Variants in CCDC110 observed in about 807,000 individuals in gnomAD.
The protein encoded by CCDC110 is coiled-coil domain-containing protein 110.
In CCDC110, 70 loss-of-function variants were observed where a neutral mutation model predicts 77.1. That is an observed-to-expected ratio of 0.91 (90% CI 0.75 to 1.11). The LOEUF (loss-of-function observed/expected upper bound fraction) is 1.11. CCDC110 is among the 50% of genes least tolerant of loss of function. The probability of loss-of-function intolerance (pLI) is 0.00; values close to 1 mark genes in which losing one functional copy is unlikely to be tolerated. For synonymous variants in CCDC110, 295 were observed against 312.5 expected, an observed-to-expected ratio of 0.94 and a Z score of 0.59; for missense variants, 868 against 942.9, an observed-to-expected ratio of 0.92 and a Z score of 1.04.
intron 6 of CCDC110, among the ~76,000 whole-genome samples, chr4:185,448,542 C>G (rs1395321279): frequency 2.0e-5 from 3 of 152,084 alleles, no homozygotes; most frequent in African/African-American, 7.2e-5. Flanking sequence ...GTCACTGAAC[C>G]ACGATTCCCC....
Position 185,459,152 on chromosome 4 carries a change from GC to G in CCDC110, c.1434del (p.Lys478AsnfsTer17), listed in dbSNP as rs1275827662. The G allele has an allele frequency of 6.3e-7, 1 of 1,598,860 alleles. No homozygotes were observed. The highest frequency in any genetic ancestry group is 8.5e-7 in the Non-Finnish European group (1 of 1,172,792). Reference protein sequence around the residue: ...SLIQKVETYEKQLKNLVEEKS... With the variant: ...SLIQKVETYEXQLKNLVEEKS... ...TTTTCTTCAACCAGATTCTTAAGTT[GC>G]TTTTCATATGTTTCAACTTTCTGTA... is the stretch of plus-strand genomic sequence containing the variant. On this transcript the variant is annotated frameshift_variant, in exon 6 of 7. Transcript: ENST00000307588. LOFTEE classifies it high-confidence loss of function.
intron 5 of CCDC110, 141 bp downstream of exon 5, chr4:185,460,908 T>C (rs1419751889): frequency 1.7e-6 from 1 of 601,796 alleles, no homozygotes; most frequent in Non-Finnish European, 3.2e-6. Context: ...TTTAAGGTTT[T>C]CAGGACCGGA....
chr4:185,446,530 G>T (rs2095611839), intron 6 of CCDC110, among the ~76,000 whole-genome samples: 1 of 151,980 alleles, frequency 6.6e-6, no homozygotes, highest in African/African-American at 2.4e-5. Flanking sequence ...TTTTCTGACT[G>T]AATTATTTTG....
intron 5 of CCDC110, 43 bp downstream of exon 5, chr4:185,461,006 T>TTTTTTTTTTTTGAGACG: frequency 2.0e-6 from 2 of 991,230 alleles, no homozygotes. Flanking sequence ...AGTCACGTTT[T>TTTTTTTTTTTTGAGACG]GAAGTACCTA....
At chr4:185,465,633 G>A (rs910028909) in intron 2 of CCDC110, among the ~76,000 whole-genome samples, 8 of 152,204 alleles carry the variant, frequency 5.3e-5, no homozygotes, top group Non-Finnish European at 1.0e-4. Context: ...TTTCCATCAT[G>A]AGAATGATTT....
rs958944271 is a variant in CCDC110, at chr4:185,468,756, G to A, written c.115+2189C>T. ...AATGACACACTTCCCACCCACCTCT[G>A]CCACTCCAAATATTCCTCCCCCCCT... On this transcript the variant is annotated intron_variant, in intron 2 of 6. Transcript: ENST00000307588. This position sits in a 1 kb window ranked among gnomAD's most constrained non-coding sequence, Gnocchi z 4.5. Among the ~76,000 whole-genome samples the A allele has an allele frequency of 6.6e-6, 1 of 151,986 alleles. No homozygotes were observed. The highest frequency in any genetic ancestry group is 2.4e-5 in the African/African-American group (1 of 41,372).
chr4:185,463,049 T>G lies in CCDC110; in HGVS notation c.116A>C (p.Glu39Ala), dbSNP rs147210535. 1.9e-4 allele frequency: 308 copies of G among 1,611,538 alleles called. No homozygotes were observed. In the African/African-American group the frequency reaches 3.7e-3, roughly 19 times the overall value. Residue 39 changes from glutamate to alanine, a missense_variant and splice_region_variant, in exon 3 of 7, where the codon GAA (glutamate) becomes GCA (alanine). By Grantham distance (107) the Glu-to-Ala change is moderately radical (BLOSUM62 -1). Transcript: ENST00000307588. ...GVKESGCSDT[E>A]YGCIAESENQ... is the part of the protein sequence containing the mutation. ...TTCTGATTCTGCTATGCAGCCATAT[T>G]CTAAGAAGCAAAATTGAAAAACCAT...
chr4:185,460,838 C>A, intron 5 of CCDC110: 1 of 481,348 alleles, frequency 2.1e-6, no homozygotes, highest in South Asian at 1.8e-5. Context: ...GTCAAATGTC[C>A]CTCACAGACT....
rs991839347 is a variant in CCDC110 at position 185,462,681 on chromosome 4, G to T, written c.199C>A (p.Gln67Lys). ...TGCAAAGTCTGCATTCGCAAAGCCT[G>T]AAATGATTCCAACTGCTGCTGAAGG... ...KVLQQQLESF[Q>K]ALRMQTLQNV... Residue 67 changes from glutamine to lysine, a missense_variant, in exon 4 of 7, where the codon CAG becomes AAG. Gln to Lys is a moderately conservative substitution (Grantham distance 53, BLOSUM62 1). Transcript: ENST00000307588. The T allele has an allele frequency of 1.9e-6, 3 of 1,613,972 alleles. No individual in the cohort carries two copies. The highest frequency in any genetic ancestry group is 2.5e-6 in the Non-Finnish European group (3 of 1,179,802).
intron 6 of CCDC110, among the ~76,000 whole-genome samples, chr4:185,446,365 G>A (rs1260209577): frequency 6.6e-6 from 1 of 152,106 alleles, no homozygotes; most frequent in Non-Finnish European, 1.5e-5. Flanking sequence ...TTGATAATTT[G>A]GGGTGCTCTA....
At chr4:185,448,280 C>T (rs932337861) in intron 6 of CCDC110, among the ~76,000 whole-genome samples, 4 of 152,198 alleles carry the variant, frequency 2.6e-5, no homozygotes, top group African/African-American at 9.7e-5. Context: ...CTCAGCCTCC[C>T]AAAGTGCTGG....
At chr4:185,465,427 T>A (rs991188562) in intron 2 of CCDC110, among the ~76,000 whole-genome samples, 1 of 152,240 alleles carries the variant, frequency 6.6e-6, no homozygotes, top group African/African-American at 2.4e-5. Context: ...TGTCTACATA[T>A]ATTTTCCATC....
chr4:185,448,890 G>T (rs1168871863), intron 6 of CCDC110, among the ~76,000 whole-genome samples: 1 of 152,164 alleles, frequency 6.6e-6, no homozygotes, highest in East Asian at 1.9e-4. Flanking sequence ...AGAAAGAGAA[G>T]AATAAGTGAT....
intron 2 of CCDC110, among the ~76,000 whole-genome samples, chr4:185,469,747 C>A (rs147768959): frequency 6.6e-6 from 1 of 152,186 alleles, no homozygotes; most frequent in Non-Finnish European, 1.5e-5. Flanking sequence ...CCTGGGCACC[C>A]GGGTGTCTTC....
chr4:185,465,322 A>G (rs2095653537), intron 2 of CCDC110, among the ~76,000 whole-genome samples: 2 of 152,374 alleles, frequency 1.3e-5, no homozygotes, highest in Middle Eastern at 3.4e-3. Flanking sequence ...AGCTAAAACC[A>G]AATAAGAAAT....
chr4:185,465,088 T>C (rs532211967), intron 2 of CCDC110, among the ~76,000 whole-genome samples: 1 of 152,344 alleles, frequency 6.6e-6, no homozygotes, highest in African/African-American at 2.4e-5. Context: ...GGTTTATGTT[T>C]ACATTCTGTT....
chr4:185,462,875 A>T (rs903717232), intron 3 of CCDC110, 119 bp downstream of exon 3: 5 of 1,047,052 alleles, frequency 4.8e-6, no homozygotes, highest in Non-Finnish European at 7.4e-6. Context: ...ATGTGCTTTC[A>T]TGGAGATCCT....
chr4:185,465,748 A>G (rs80351835), intron 2 of CCDC110, among the ~76,000 whole-genome samples: 2,933 of 152,284 alleles, frequency 0.019, 101 homozygotes, highest in African/African-American at 0.068. Flanking sequence ...AGTGGAGATG[A>G]AGATATCTTG....
intron 6 of CCDC110, among the ~76,000 whole-genome samples, chr4:185,447,386 T>G (rs1298117396): frequency 2.6e-5 from 4 of 152,068 alleles, no homozygotes; most frequent in Non-Finnish European, 4.4e-5. Context: ...TTCACTGTGT[T>G]AGCCAGGATG....
Sources: gnomAD v4.1 joint callset for allele counts (sites outside exome capture counted in the v4.1 genomes callset) on GRCh38, gnomAD v4.1.1 for gene constraint, Gnocchi (gnomAD v3.1) non-coding constraint, MANE v1.5 for transcripts, NCBI Gene and HGNC (gene_info 2026-07-23, HGNC 2026-07-21) for gene names.